Variants in CDH22 observed in about 807,000 individuals in gnomAD.
CDH22 encodes the protein cadherin 22.
A neutral mutation model predicts 58.4 loss-of-function variants in CDH22; 30 were observed. That is an observed-to-expected ratio of 0.51 (90% CI 0.38 to 0.70). The LOEUF (loss-of-function observed/expected upper bound fraction) is 0.70, where lower values mean the gene tolerates loss of function less well. Ranked by LOEUF, CDH22 falls within the 30% of genes least tolerant of loss-of-function variation. The probability of loss-of-function intolerance (pLI) is 0.00; values close to 1 mark genes in which losing one functional copy is unlikely to be tolerated. For missense variants in CDH22, 1,014 were observed against 1,233.9 expected (o/e 0.82, Z 2.67); for synonymous variants, 513 against 558.2 (o/e 0.92, Z 1.14).
intron 10 of CDH22, among the ~76,000 whole-genome samples, chr20:46,183,395 T>C (rs901806096): frequency 1.3e-5 from 2 of 152,120 alleles, no homozygotes; most frequent in Non-Finnish European, 2.9e-5. Context: ...CTGCACTGGT[T>C]GTTAAATCTG....
chr20:46,178,433 A>G (rs1481454374), intron 10 of CDH22, among the ~76,000 whole-genome samples: 8 of 151,766 alleles, frequency 5.3e-5, no homozygotes, highest in Admixed American at 3.3e-4. Flanking sequence ...GCTGCCCAAA[A>G]TCCTGTCCCC....
chr20:46,282,271 T>A (rs922447650), intron 1 of CDH22, among the ~76,000 whole-genome samples: 2 of 152,138 alleles, frequency 1.3e-5, no homozygotes, highest in Non-Finnish European at 2.9e-5. Flanking sequence ...TTTGGCAGGT[T>A]AGATTCCACA....
intron 1 of CDH22, among the ~76,000 whole-genome samples, chr20:46,280,732 C>T (rs1296153688): frequency 3.3e-5 from 5 of 152,214 alleles, no homozygotes; most frequent in Admixed American, 1.3e-4. Context: ...CTTGAGCAAT[C>T]CACTTCCTCA....
chr20:46,216,815 GC>G lies in CDH22; in HGVS notation c.838+10del. On this transcript the variant is annotated intron_variant, in intron 5 of 11. Transcript: ENST00000537909. The surrounding 1 kb of genome is among the most constrained non-coding windows in gnomAD (Gnocchi z 5.3). ...CACAGACGCGCCTTCCTCTGGGAAG[GC>G]CTCACTCACTCTGCGGGAAACGGGG... The G allele has an allele frequency of 6.3e-7, 1 of 1,588,114 alleles. No individual in the cohort carries two copies. Among genetic ancestry groups the G allele is most frequent in the Non-Finnish European group, 8.6e-7 (1 of 1,158,886 alleles).
chr20:46,281,707 T>C lies in CDH22; in HGVS notation c.-400+26548A>G, dbSNP rs1600725914. On this transcript the variant is annotated intron_variant, in intron 1 of 11. Coordinates refer to ENST00000537909, the MANE Select transcript of CDH22 (RefSeq NM_021248.3). ...AGGGAAATGGTCAGTTTTTCTTTTT[T>C]CTTGTTTGTCACAGACACATCTGTC... 2.6e-5 allele frequency among the ~76,000 whole-genome samples: 4 copies of C among 152,234 alleles called. No homozygotes were observed. The East Asian group carries it at 7.7e-4, about 29-fold the overall frequency.
At chr20:46,287,635 A>G (rs1372038156) in intron 1 of CDH22, among the ~76,000 whole-genome samples, 1 of 151,666 alleles carries the variant, frequency 6.6e-6, no homozygotes, top group Non-Finnish European at 1.5e-5. Context: ...AGACAGGAGA[A>G]GCAGGCAGGA....
chr20:46,302,599 G>A (rs921145786), intron 1 of CDH22, among the ~76,000 whole-genome samples: 4 of 152,114 alleles, frequency 2.6e-5, no homozygotes, highest in African/African-American at 4.8e-5. Flanking sequence ...CCTTGAGAGC[G>A]CCTCAAGATT....
At chr20:46,211,390 C>A (rs1429353985) in intron 6 of CDH22, among the ~76,000 whole-genome samples, 1 of 152,210 alleles carries the variant, frequency 6.6e-6, no homozygotes, top group Non-Finnish European at 1.5e-5. Context: ...AATCCCCCAC[C>A]CCCGACTTCT....
At chr20:46,219,303 A>C (rs961806704) in intron 4 of CDH22, among the ~76,000 whole-genome samples, 2 of 152,114 alleles carry the variant, frequency 1.3e-5, no homozygotes, top group Non-Finnish European at 1.5e-5. Context: ...TTGGCAGTGG[A>C]TTGCCTTGGG....
At chr20:46,287,267 T>C (rs2086580552) in intron 1 of CDH22, among the ~76,000 whole-genome samples, 1 of 152,192 alleles carries the variant, frequency 6.6e-6, no homozygotes, top group African/African-American at 2.4e-5. Flanking sequence ...GATATGTGAA[T>C]CACTCAATAT....
intron 2 of CDH22, among the ~76,000 whole-genome samples, chr20:46,242,393 C>T (rs2145727949): frequency 6.6e-6 from 1 of 152,344 alleles, no homozygotes; most frequent in South Asian, 2.1e-4. Context: ...ACATCGCCTC[C>T]CTGTGCATCC....
chr20:46,262,889 T>C (rs1422633906), intron 1 of CDH22, among the ~76,000 whole-genome samples: 1 of 152,212 alleles, frequency 6.6e-6, no homozygotes, highest in Non-Finnish European at 1.5e-5. Context: ...CCTCTGGGCC[T>C]TTGCTCCTGC....
intron 11 of CDH22, among the ~76,000 whole-genome samples, chr20:46,176,743 A>G (rs966627736): frequency 5.3e-5 from 8 of 152,218 alleles, no homozygotes; most frequent in Non-Finnish European, 8.8e-5. Context: ...CAGGGAAGGA[A>G]GGTGTCAGGA....
intron 1 of CDH22, among the ~76,000 whole-genome samples, chr20:46,306,324 C>T (rs1950238488): frequency 6.6e-6 from 1 of 152,274 alleles, no homozygotes; most frequent in Non-Finnish European, 1.5e-5. Context: ...TGACCTCGGG[C>T]TGCTGTTGCC....
intron 8 of CDH22, among the ~76,000 whole-genome samples, chr20:46,198,112 G>A (rs566408315): frequency 6.6e-6 from 1 of 152,196 alleles, no homozygotes; most frequent in African/African-American, 2.4e-5. Context: ...GCAGGTGGAG[G>A]CCATGACAGT....
chr20:46,278,834 C>T (rs1037626372), intron 1 of CDH22, among the ~76,000 whole-genome samples: 2 of 152,226 alleles, frequency 1.3e-5, no homozygotes, highest in Admixed American at 6.5e-5. Context: ...GCAATCCTCT[C>T]GCCTTGGCCT....
chr20:46,241,241 T>G lies in CDH22; in HGVS notation c.272A>C (p.Asp91Ala). 6.2e-7 allele frequency: 1 copy of G among 1,606,304 alleles called. No homozygotes were observed. Among genetic ancestry groups the G allele is most frequent in the Non-Finnish European group, 8.5e-7 (1 of 1,174,696 alleles). ...GTACTTGATGGCCCCGTCACCCTCG[T>G]CTGAGTCGGAGTGGATCTGGGTAGG... is the stretch of plus-strand genomic sequence containing the variant. ...LYVGKIHSDS[D>A]EGDGAIKYTI... The change falls in exon 3 of 12, where the codon GAC (aspartate) becomes GCC (alanine). Residue 91 changes from aspartate (D) to alanine (A), a missense_variant. Around this residue, in one of 2 missense-constraint regions of CDH22, gnomAD observed 806 missense variants for 1,038.7 expected, o/e 0.78. Transcript: ENST00000537909. The surrounding 1 kb of genome is among the most constrained non-coding windows in gnomAD (Gnocchi z 5.2).
chr20:46,223,666 C>CTTCTTTCTTTCTTTCTTTCT (rs369876048), intron 4 of CDH22, among the ~76,000 whole-genome samples: 2 of 115,628 alleles, frequency 1.7e-5, no homozygotes, highest in East Asian at 5.0e-4. Flanking sequence ...TTTTTCTTTC[C>CTTCTTTCTTTCTTTCTTTCT]TTCTTTCTTT....
chr20:46,184,551 C>T (rs2145652065), intron 10 of CDH22, among the ~76,000 whole-genome samples: 1 of 152,276 alleles, frequency 6.6e-6, no homozygotes, highest in East Asian at 1.9e-4. Flanking sequence ...CCCCAACATA[C>T]TTTTTTATTT....
Sources: gnomAD v4.1 joint callset for allele counts (sites outside exome capture counted in the v4.1 genomes callset) on GRCh38, gnomAD v4.1.1 for gene constraint, gnomAD v4.1.1 regional missense constraint, Gnocchi (gnomAD v3.1) non-coding constraint, MANE v1.5 for transcripts, NCBI Gene and HGNC (gene_info 2026-07-23, HGNC 2026-07-21) for gene names.